DLGAP1: variants seen among roughly 807,000 people sequenced by gnomAD.
DLGAP1 encodes the protein DLG associated protein 1.
DLGAP1 carries 11 observed loss-of-function variants against 90.8 expected under a neutral mutation model. The observed-to-expected ratio is 0.12, with a 90% CI of 0.08 to 0.20. The LOEUF (loss-of-function observed/expected upper bound fraction) is 0.20, where lower values mean the gene tolerates loss of function less well. Ranked by LOEUF, DLGAP1 falls within the 10% of genes least tolerant of loss-of-function variation. The pLI, the probability that DLGAP1 is intolerant of heterozygous loss-of-function variation, is 1.00. For missense variants in DLGAP1, 1,050 were observed against 1,333.8 expected (o/e 0.79, Z 3.31); for synonymous variants, 558 against 540.7 (o/e 1.03, Z -0.44).
At chr18:4,166,913 G>C (rs575455485) in intron 1 of DLGAP1, among the ~76,000 whole-genome samples, 1 of 152,328 alleles carries the variant, frequency 6.6e-6, no homozygotes, top group Non-Finnish European at 1.5e-5. Flanking sequence ...TGGATACAGA[G>C]TTTCAGTTTG....
chr18:4,102,088 T>C (rs916021250), intron 2 of DLGAP1, among the ~76,000 whole-genome samples: 15 of 152,168 alleles, frequency 9.9e-5, no homozygotes, highest in African/African-American at 3.6e-4. Flanking sequence ...CTTTAACATA[T>C]ACCAATGTAT....
rs79103096 is a variant in DLGAP1 at position 3,843,168 on chromosome 18, C to T, written c.958-28895G>A. ...GGGTGCTTCTTTCTCTAGATATTCT[C>T]TATTAATTAACTAACACAGAGCTAA... On this transcript the variant is annotated intron_variant, in intron 4 of 12. Coordinates refer to ENST00000315677, the MANE Select transcript of DLGAP1 (RefSeq NM_004746.4). Among the ~76,000 whole-genome samples, 49 of 152,286 alleles carry T rather than the reference C, an allele frequency of 3.2e-4. No homozygotes were observed. The East Asian group carries it at 8.9e-3, about 28-fold the overall frequency.
chr18:4,222,745 A>AG (rs1319887396), intron 1 of DLGAP1, among the ~76,000 whole-genome samples: 2 of 151,848 alleles, frequency 1.3e-5, no homozygotes, highest in Non-Finnish European at 2.9e-5. Context: ...AGACAGAAAA[A>AG]AAAAAATGAT....
chr18:3,605,767 T>C (rs1363693664), intron 7 of DLGAP1, among the ~76,000 whole-genome samples: 1 of 152,214 alleles, frequency 6.6e-6, no homozygotes, highest in Non-Finnish European at 1.5e-5. Flanking sequence ...TAACTTGAGC[T>C]TTCTCCAGAG....
intron 1 of DLGAP1, among the ~76,000 whole-genome samples, chr18:4,408,572 T>C (rs2082712576): frequency 6.6e-6 from 1 of 151,996 alleles, no homozygotes; most frequent in Non-Finnish European, 1.5e-5. Flanking sequence ...ACGAGACGTA[T>C]TGGCATTTGG....
At chr18:4,324,534 A>G (rs1377375962) in intron 1 of DLGAP1, among the ~76,000 whole-genome samples, 1 of 152,016 alleles carries the variant, frequency 6.6e-6, no homozygotes, top group Non-Finnish European at 1.5e-5. Flanking sequence ...AATATCATCC[A>G]GATACCAAAA....
intron 2 of DLGAP1, among the ~76,000 whole-genome samples, chr18:4,008,592 T>C (rs534454336): frequency 3.5e-4 from 54 of 152,324 alleles, no homozygotes; most frequent in African/African-American, 1.3e-3. Context: ...ATGAAAATCA[T>C]TTTTCATGCC....
chr18:4,246,556 T>C (rs1236067771), intron 1 of DLGAP1, among the ~76,000 whole-genome samples: 1 of 152,200 alleles, frequency 6.6e-6, no homozygotes, highest in Non-Finnish European at 1.5e-5. Context: ...CAAGGGCCAG[T>C]GCTGGCCTGG....
At chr18:3,527,998 TA>T (rs1001968208) in intron 10 of DLGAP1, among the ~76,000 whole-genome samples, 38 of 152,360 alleles carry the variant, frequency 2.5e-4, no homozygotes, top group Admixed American at 2.2e-3. Context: ...CATTTTAAAA[TA>T]TTTAAAAATT....
At chr18:3,704,842 G>T (rs1248388799) in intron 7 of DLGAP1, among the ~76,000 whole-genome samples, 1 of 152,124 alleles carries the variant, frequency 6.6e-6, no homozygotes, top group African/African-American at 2.4e-5. Context: ...TGGCAGGAAT[G>T]CATGCAATTA....
At chr18:4,339,945 T>C (rs1322292046) in intron 1 of DLGAP1, among the ~76,000 whole-genome samples, 1 of 152,154 alleles carries the variant, frequency 6.6e-6, no homozygotes, top group Non-Finnish European at 1.5e-5. Flanking sequence ...GACTTATATA[T>C]TTAAACCCTT....
intron 2 of DLGAP1, among the ~76,000 whole-genome samples, chr18:4,026,072 C>A (rs2074694390): frequency 6.6e-6 from 1 of 152,184 alleles, no homozygotes; most frequent in Non-Finnish European, 1.5e-5. Flanking sequence ...AAAATGTTGT[C>A]AGGTTCTTGC....
At chr18:3,759,268 A>AC (rs1023965015) in intron 5 of DLGAP1, among the ~76,000 whole-genome samples, 9 of 151,870 alleles carry the variant, frequency 5.9e-5, no homozygotes, top group African/African-American at 2.2e-4. Flanking sequence ...AAAAAAAAAA[A>AC]AAAACAAAAC....
intron 2 of DLGAP1, among the ~76,000 whole-genome samples, chr18:4,115,899 G>C (rs2076056719): frequency 6.6e-6 from 1 of 152,068 alleles, no homozygotes; most frequent in South Asian, 2.1e-4. Context: ...TGTGCAATTT[G>C]TCCTTTAAAT....
intron 1 of DLGAP1, among the ~76,000 whole-genome samples, chr18:4,326,664 A>G (rs756762076): frequency 2.6e-5 from 4 of 152,142 alleles, no homozygotes; most frequent in Non-Finnish European, 4.4e-5. Flanking sequence ...TGCAGCCATA[A>G]AAAAAGAATG....
At chr18:4,223,616 G>A (rs976856033) in intron 1 of DLGAP1, among the ~76,000 whole-genome samples, 1 of 152,186 alleles carries the variant, frequency 6.6e-6, no homozygotes, top group African/African-American at 2.4e-5. Context: ...TCAAGATTAT[G>A]TAACAACAAT....
chr18:4,200,062 GT>G (rs1387244537), intron 1 of DLGAP1, among the ~76,000 whole-genome samples: 1 of 152,058 alleles, frequency 6.6e-6, no homozygotes, highest in Admixed American at 6.5e-5. Flanking sequence ...TGTATACACA[GT>G]TTTTTATCTT....
intron 3 of DLGAP1, among the ~76,000 whole-genome samples, chr18:3,929,569 A>G (rs906354676): frequency 6.6e-6 from 1 of 152,170 alleles, no homozygotes; most frequent in Non-Finnish European, 1.5e-5. Context: ...AGGAAGCCTT[A>G]CTATGCGTTA....
chr18:3,509,027 A>G (rs2050389935), intron 10 of DLGAP1, among the ~76,000 whole-genome samples: 1 of 151,770 alleles, frequency 6.6e-6, no homozygotes, highest in Non-Finnish European at 1.5e-5. Context: ...ATGAATTTCA[A>G]GTGTTTACCA....
Sources: gnomAD v4.1 joint callset for allele counts (sites outside exome capture counted in the v4.1 genomes callset) on GRCh38, gnomAD v4.1.1 for gene constraint, MANE v1.5 for transcripts, NCBI Gene and HGNC (gene_info 2026-07-23, HGNC 2026-07-21) for gene names.